CTNNA2: variants seen among roughly 807,000 people sequenced by gnomAD.
CTNNA2 encodes catenin alpha-2.
A neutral mutation model predicts 101.0 loss-of-function variants in CTNNA2; 42 were observed. That is an observed-to-expected ratio of 0.42 (90% CI 0.32 to 0.54). The LOEUF is 0.54. Ranked by LOEUF, CTNNA2 falls within the 20% of genes least tolerant of loss-of-function variation. The pLI is 0.14. For synonymous variants in CTNNA2, 450 were observed against 456.4 expected, an observed-to-expected ratio of 0.99 and a Z score of 0.18; for missense variants, 871 against 1,223.1, an observed-to-expected ratio of 0.71 and a Z score of 4.29.
At chr2:79,926,516 A>G (rs567618441) in intron 7 of CTNNA2, among the ~76,000 whole-genome samples, 2 of 152,044 alleles carry the variant, frequency 1.3e-5, no homozygotes, top group Admixed American at 6.6e-5. Context: ...TTATACCCAT[A>G]CAGTTTAGCA....
At chr2:80,079,727 T>C (rs1573015115) in intron 7 of CTNNA2, among the ~76,000 whole-genome samples, 1 of 151,652 alleles carries the variant, frequency 6.6e-6, no homozygotes, top group African/African-American at 2.4e-5. Flanking sequence ...GGCAGGAGAA[T>C]GGCGTGAACC....
intron 7 of CTNNA2, among the ~76,000 whole-genome samples, chr2:80,026,028 C>T (rs146263722): frequency 1.7e-3 from 261 of 152,112 alleles, no homozygotes; most frequent in Non-Finnish European, 3.1e-3. Flanking sequence ...TGTGTCACAG[C>T]GGGGAAGGGG....
At chr2:80,229,132 ACT>A (rs1383224457) in intron 7 of CTNNA2, among the ~76,000 whole-genome samples, 1 of 151,990 alleles carries the variant, frequency 6.6e-6, no homozygotes, top group African/African-American at 2.4e-5. Flanking sequence ...TAGAAATGAA[ACT>A]CTTTTTTCCT....
intron 7 of CTNNA2, among the ~76,000 whole-genome samples, chr2:80,188,859 T>C (rs1186308470): frequency 6.6e-6 from 1 of 151,924 alleles, no homozygotes; most frequent in East Asian, 1.9e-4. Context: ...GAGATTAGGA[T>C]GTGGATATCT....
intron 3 of CTNNA2, among the ~76,000 whole-genome samples, chr2:79,777,324 G>C (rs1674045068): frequency 8.0e-6 from 1 of 125,076 alleles, no homozygotes; most frequent in African/African-American, 3.0e-5. Flanking sequence ...CCAAACACTT[G>C]TTATGTGTGT....
At chr2:80,435,409 A>AT (rs890924109) in intron 9 of CTNNA2, among the ~76,000 whole-genome samples, 13 of 150,670 alleles carry the variant, frequency 8.6e-5, no homozygotes, top group African/African-American at 1.9e-4. Context: ...TCTTGTCACA[A>AT]TTTTTTTTTT....
chr2:79,651,739 T>A, intron 2 of CTNNA2, 81 bp downstream of exon 2: 1 of 1,154,748 alleles, frequency 8.7e-7, no homozygotes, highest in South Asian at 1.3e-5. Context: ...AACTTAGACA[T>A]CCTTAAAAGA....
At chr2:80,620,860 G>T (rs1671047512) in intron 18 of CTNNA2, among the ~76,000 whole-genome samples, 1 of 151,936 alleles carries the variant, frequency 6.6e-6, no homozygotes, top group South Asian at 2.1e-4. Context: ...AACTTCGTGA[G>T]TTAAGAACGG....
chr2:79,733,857 C>G lies in CTNNA2; in HGVS notation c.103-10530C>G, dbSNP rs181676028. ...GAAAGAAAATGTCAAACCTCGTGTT[C>G]ATGTCAATCAAAGAGTGCAATAAAA... is the stretch of plus-strand genomic sequence containing the variant. On this transcript the variant is annotated intron_variant, in intron 2 of 18. Transcript: ENST00000402739. 2.8e-4 allele frequency among the ~76,000 whole-genome samples: 43 copies of G among 152,158 alleles called. No individual in the cohort carries two copies. In the East Asian group the frequency reaches 7.2e-3, roughly 25 times the overall value.
chr2:79,334,008 T>A (rs989508641), intron 3 of CTNNA2, among the ~76,000 whole-genome samples: 4 of 152,220 alleles, frequency 2.6e-5, no homozygotes, highest in African/African-American at 9.6e-5. Context: ...TTTTGATACA[T>A]TTATACAATG....
At chr2:79,441,539 C>A (rs535154670) in intron 4 of CTNNA2, among the ~76,000 whole-genome samples, 1 of 152,238 alleles carries the variant, frequency 6.6e-6, no homozygotes, top group South Asian at 2.1e-4. Context: ...TTCAAACCAC[C>A]AGGAAGTCCC....
intron 4 of CTNNA2, among the ~76,000 whole-genome samples, chr2:79,494,497 A>T (rs1351193494): frequency 1.3e-5 from 2 of 152,222 alleles, no homozygotes; most frequent in Non-Finnish European, 2.9e-5. Flanking sequence ...AGACCCGGGA[A>T]GTAAAACTGC....
Position 80,172,723 on chromosome 2 carries a change from T to G in CTNNA2, c.1057-220488T>G, listed in dbSNP as rs570637540. 3.1e-4 allele frequency among the ~76,000 whole-genome samples: 47 copies of G among 152,332 alleles called. 1 individual carries two copies. Among genetic ancestry groups the G allele is most frequent in the African/African-American group, 9.6e-4 (40 of 41,578 alleles). ...CATCTATTGTCTCTGAGGGAGAATGTGTTCCTTGCAGCTCTTCTAGTTTCT... is the reference window on the plus strand; with the variant it reads ...CATCTATTGTCTCTGAGGGAGAATGGGTTCCTTGCAGCTCTTCTAGTTTCT... On this transcript the variant is annotated intron_variant, in intron 7 of 18. Transcript: ENST00000402739.
At chr2:80,194,428 A>G (rs1706709295) in intron 7 of CTNNA2, among the ~76,000 whole-genome samples, 1 of 152,040 alleles carries the variant, frequency 6.6e-6, no homozygotes, top group South Asian at 2.1e-4. Context: ...GTGCTTCAAC[A>G]TGTTTTCAAT....
chr2:80,476,500 A>G (rs761371972), intron 9 of CTNNA2, among the ~76,000 whole-genome samples: 23 of 152,190 alleles, frequency 1.5e-4, no homozygotes, highest in Non-Finnish European at 3.1e-4. Flanking sequence ...TAGCATCAAG[A>G]AGCAAAAAAA....
intron 7 of CTNNA2, among the ~76,000 whole-genome samples, chr2:80,330,983 G>A (rs1319392652): frequency 6.6e-6 from 1 of 150,398 alleles, no homozygotes; most frequent in Non-Finnish European, 1.5e-5. Flanking sequence ...GACCATGCAT[G>A]CCTATTAGCA....
chr2:79,271,808 G>A (rs1317362224), intron 2 of CTNNA2, among the ~76,000 whole-genome samples: 1 of 152,062 alleles, frequency 6.6e-6, no homozygotes, highest in African/African-American at 2.4e-5. Context: ...AGTTCAAGCT[G>A]CATTTCAACA....
At chr2:79,228,018 T>C (rs1190288289) in intron 2 of CTNNA2, among the ~76,000 whole-genome samples, 1 of 152,246 alleles carries the variant, frequency 6.6e-6, no homozygotes, top group Non-Finnish European at 1.5e-5. Context: ...TTTTCTGTTT[T>C]TGAGTTAGAT....
chr2:79,896,250 T>A (rs1684706959), intron 6 of CTNNA2, among the ~76,000 whole-genome samples: 1 of 151,114 alleles, frequency 6.6e-6, no homozygotes, highest in African/African-American at 2.4e-5. Context: ...GCCACTGTAC[T>A]CCAGCCTGAG....
Sources: gnomAD v4.1 joint callset for allele counts (sites outside exome capture counted in the v4.1 genomes callset) on GRCh38, gnomAD v4.1.1 for gene constraint, MANE v1.5 for transcripts, NCBI Gene and HGNC (gene_info 2026-07-23, HGNC 2026-07-21) for gene names.